PHF21A: variants seen among roughly 807,000 people sequenced by gnomAD.
PHF21A encodes BHC80a.
Under a neutral mutation model 82.5 loss-of-function variants are expected in PHF21A, and 11 were observed. That is an observed-to-expected ratio of 0.13 (90% CI 0.08 to 0.22). The LOEUF (loss-of-function observed/expected upper bound fraction) is 0.22. Among genes scored for constraint, PHF21A ranks in the 10% least tolerant of loss-of-function variants. The probability of loss-of-function intolerance (pLI) is 1.00; values close to 1 mark genes in which losing one functional copy is unlikely to be tolerated. For synonymous variants in PHF21A, 297 were observed against 302.8 expected (o/e 0.98, Z 0.20); for missense variants, 579 against 837.8 (o/e 0.69, Z 3.81).
intron 6 of PHF21A, among the ~76,000 whole-genome samples, chr11:46,054,682 C>G (rs760874852): frequency 7.2e-5 from 11 of 152,164 alleles, no homozygotes; most frequent in Non-Finnish European, 1.3e-4. Flanking sequence ...AATCACTATA[C>G]TCTCACTAAT....
chr11:46,073,696 C>A (rs974411165), intron 6 of PHF21A, among the ~76,000 whole-genome samples: 1 of 152,148 alleles, frequency 6.6e-6, no homozygotes, highest in African/African-American at 2.4e-5. Context: ...TATACTCTCA[C>A]TTATTATTTC....
chr11:46,020,773 A>G (rs914861012), intron 6 of PHF21A, among the ~76,000 whole-genome samples: 1 of 152,212 alleles, frequency 6.6e-6, no homozygotes, highest in Non-Finnish European at 1.5e-5. Flanking sequence ...GTTGAAAAAC[A>G]TTATTCTTAA....
At chr11:45,935,413 G>T in intron 18 of PHF21A, 2 of 722,608 alleles carry the variant, frequency 2.8e-6, no homozygotes, top group Non-Finnish European at 4.6e-6. Flanking sequence ...TTAAAGCCAA[G>T]AGGATGTTAC....
chr11:46,069,386 T>C (rs992093111), intron 6 of PHF21A, among the ~76,000 whole-genome samples: 14 of 152,318 alleles, frequency 9.2e-5, no homozygotes, highest in African/African-American at 3.4e-4. Flanking sequence ...TAAAGTCAGG[T>C]TTCCATCACA....
At chr11:46,077,871 T>C (rs1197334988) in intron 5 of PHF21A, among the ~76,000 whole-genome samples, 1 of 152,192 alleles carries the variant, frequency 6.6e-6, no homozygotes, top group Non-Finnish European at 1.5e-5. Flanking sequence ...GACCTGTTAA[T>C]CTAAAGTCTA....
chr11:46,025,333 C>G (rs989543792), intron 6 of PHF21A, among the ~76,000 whole-genome samples: 49 of 152,210 alleles, frequency 3.2e-4, no homozygotes, highest in African/African-American at 1.2e-3. Context: ...ACAATATGAC[C>G]AATAGGAAAG....
intron 10 of PHF21A, among the ~76,000 whole-genome samples, chr11:45,955,735 G>A (rs913285769): frequency 6.6e-6 from 1 of 152,196 alleles, no homozygotes; most frequent in African/African-American, 2.4e-5. Context: ...TGGTGGTGGT[G>A]GAGGGTGTCT....
chr11:46,099,595 A>G (rs553780072), intron 1 of PHF21A, among the ~76,000 whole-genome samples: 1 of 151,970 alleles, frequency 6.6e-6, no homozygotes, highest in Admixed American at 6.6e-5. Flanking sequence ...AAAGGGAATG[A>G]TACTCTTTCA....
intron 1 of PHF21A, chr11:46,120,533 A>G (rs1349586113): frequency 1.3e-5 from 2 of 150,842 alleles, no homozygotes; most frequent in African/African-American, 4.9e-5. Flanking sequence ...ACTTACTTCC[A>G]ATTTATCCTG....
chr11:46,016,418 G>T (rs1390520118), intron 6 of PHF21A, among the ~76,000 whole-genome samples: 1 of 152,016 alleles, frequency 6.6e-6, no homozygotes, highest in African/African-American at 2.4e-5. Flanking sequence ...GCTATTTCCA[G>T]AACTCAAAAT....
chr11:46,049,590 C>G, intron 6 of PHF21A: 1 of 418,528 alleles, frequency 2.4e-6, no homozygotes, highest in South Asian at 1.8e-5. Flanking sequence ...AAAGGAGAAG[C>G]ATATTTCTGG....
intron 1 of PHF21A, among the ~76,000 whole-genome samples, chr11:46,109,787 G>A (rs1285928590): frequency 6.6e-6 from 1 of 152,020 alleles, no homozygotes; most frequent in African/African-American, 2.4e-5. Flanking sequence ...TTAGAGACCA[G>A]TCTACCCAAC....
At chr11:45,964,793 G>A (rs775163342) in intron 10 of PHF21A, among the ~76,000 whole-genome samples, 14 of 152,164 alleles carry the variant, frequency 9.2e-5, no homozygotes, top group Non-Finnish European at 1.8e-4. Flanking sequence ...TTCAATATTT[G>A]AGCTAAAATA....
At chr11:45,960,587 T>C (rs2093014346) in intron 10 of PHF21A, among the ~76,000 whole-genome samples, 1 of 152,178 alleles carries the variant, frequency 6.6e-6, no homozygotes, top group Non-Finnish European at 1.5e-5. Context: ...TTTGGGGTAA[T>C]GAAAATGTTG....
intron 6 of PHF21A, among the ~76,000 whole-genome samples, chr11:46,076,001 C>G (rs1483530515): frequency 6.6e-6 from 1 of 152,130 alleles, no homozygotes; most frequent in Non-Finnish European, 1.5e-5. Flanking sequence ...GACAGAAAAC[C>G]ACTCTTTCTA....
In PHF21A at chr11:46,056,991, T is replaced by TA. The variant is rs566005562; in HGVS notation, c.153+19762dup. Among the ~76,000 whole-genome samples, 241 of 148,258 alleles carry TA rather than the reference T, an allele frequency of 1.6e-3. 1 individual carries two copies. The highest frequency in any genetic ancestry group is 3.8e-3 in the African/African-American group (155 of 40,484). ...CTGATTTTATTTGCTTTAAATATAG[T>TA]AAAAAAAAAAGTCAAGATGGTTATA... On this transcript the variant is annotated intron_variant, in intron 6 of 18. Coordinates refer to ENST00000676320, the MANE Select transcript of PHF21A (RefSeq NM_001352027.3).
chr11:45,943,953 G>GA (rs2090861521), intron 15 of PHF21A, among the ~76,000 whole-genome samples: 1 of 152,250 alleles, frequency 6.6e-6, no homozygotes, highest in South Asian at 2.1e-4. Context: ...TTCTACAGAA[G>GA]AACTGGCTAT....
At chr11:45,946,280 G>C (rs1400576927) in intron 14 of PHF21A, among the ~76,000 whole-genome samples, 1 of 152,202 alleles carries the variant, frequency 6.6e-6, no homozygotes, top group Admixed American at 6.5e-5. Flanking sequence ...ACCTCACCTT[G>C]GGCAGATTGT....
chr11:45,959,662 C>T lies in PHF21A; in HGVS notation c.996+5653G>A, dbSNP rs187120921. Among the ~76,000 whole-genome samples the T allele has an allele frequency of 2.6e-5, 4 of 152,224 alleles. No individual in the cohort carries two copies. The East Asian group carries it at 7.7e-4, about 29-fold the overall frequency. ...ACTCAAAGAATCCATAAAACAAATA[C>T]TAGAGCTAATAAACAAATTCAGCAA... On this transcript the variant is annotated intron_variant, in intron 10 of 18. Coordinates refer to ENST00000676320, the MANE Select transcript of PHF21A (RefSeq NM_001352027.3).
Sources: gnomAD v4.1 joint callset for allele counts (sites outside exome capture counted in the v4.1 genomes callset) on GRCh38, gnomAD v4.1.1 for gene constraint, MANE v1.5 for transcripts, NCBI Gene and HGNC (gene_info 2026-07-23, HGNC 2026-07-21) for gene names.